ZDHHC14: variants seen among roughly 807,000 people sequenced by gnomAD.
ZDHHC14 encodes the protein zDHHC palmitoyltransferase 14.
In ZDHHC14, 16 loss-of-function variants were observed where a neutral mutation model predicts 47.7. That is an observed-to-expected ratio of 0.34 (90% confidence interval 0.23 to 0.51). The LOEUF (loss-of-function observed/expected upper bound fraction) is 0.51. Among genes scored for constraint, ZDHHC14 ranks in the 20% least tolerant of loss-of-function variants. The pLI is 0.97. For synonymous variants in ZDHHC14, 293 were observed against 278.9 expected, an observed-to-expected ratio of 1.05 and a Z score of -0.50; for missense variants, 515 against 662.5, an observed-to-expected ratio of 0.78 and a Z score of 2.44.
At chr6:157,414,821 C>CTTT (rs71027333) in intron 1 of ZDHHC14, among the ~76,000 whole-genome samples, 1,776 of 111,874 alleles carry the variant, frequency 0.016, 41 homozygotes, top group African/African-American at 0.055. Flanking sequence ...AGGTTTGCAG[C>CTTT]TTTTTTTTTT....
intron 1 of ZDHHC14, among the ~76,000 whole-genome samples, chr6:157,426,664 G>A (rs1054440884): frequency 6.6e-6 from 1 of 152,144 alleles, no homozygotes; most frequent in South Asian, 2.1e-4. Flanking sequence ...TGGAAGAGCC[G>A]ATCAGAAGGG....
chr6:157,609,641 C>G (rs933344024), intron 3 of ZDHHC14, among the ~76,000 whole-genome samples: 2 of 152,214 alleles, frequency 1.3e-5, no homozygotes, highest in Non-Finnish European at 2.9e-5. Context: ...TTCCATTCTG[C>G]TCTGAGCAGT....
chr6:157,536,073 A>C (rs1490276754), intron 1 of ZDHHC14, among the ~76,000 whole-genome samples: 2 of 152,186 alleles, frequency 1.3e-5, no homozygotes. Flanking sequence ...AGGTTATTTC[A>C]TTTATGATTG....
At chr6:157,458,849 ATTTTTT>A (rs750975822) in intron 1 of ZDHHC14, among the ~76,000 whole-genome samples, 1,975 of 81,276 alleles carry the variant, frequency 0.024, 93 homozygotes, top group Admixed American at 0.032. Flanking sequence ...ATGTGGGTGG[ATTTTTT>A]TTTTTTTTTT....
chr6:157,415,433 A>T (rs1478880341), intron 1 of ZDHHC14, among the ~76,000 whole-genome samples: 1 of 152,214 alleles, frequency 6.6e-6, no homozygotes. Flanking sequence ...CTTATTGAGG[A>T]AAGAATAGAA....
intron 3 of ZDHHC14, among the ~76,000 whole-genome samples, chr6:157,620,271 G>A (rs913648320): frequency 1.3e-5 from 2 of 152,180 alleles, no homozygotes; most frequent in African/African-American, 4.8e-5. Flanking sequence ...TGGCGAGGGG[G>A]CTGGGCATGC....
At chr6:157,488,315 G>A (rs553539351) in intron 1 of ZDHHC14, among the ~76,000 whole-genome samples, 1 of 152,282 alleles carries the variant, frequency 6.6e-6, no homozygotes, top group African/African-American at 2.4e-5. Context: ...GGGAGCCCAC[G>A]GAGCCGGGTT....
At chr6:157,563,712 G>C (rs1189803484) in intron 2 of ZDHHC14, among the ~76,000 whole-genome samples, 1 of 152,244 alleles carries the variant, frequency 6.6e-6, no homozygotes, top group Non-Finnish European at 1.5e-5. Context: ...AGAGGCACAA[G>C]TCACGGATTG....
At chr6:157,481,408 G>A (rs1435346440) in intron 1 of ZDHHC14, among the ~76,000 whole-genome samples, 1 of 147,572 alleles carries the variant, frequency 6.8e-6, no homozygotes, top group African/African-American at 2.4e-5. Context: ...TGTACAGTGA[G>A]GTGATGCGAC....
At chr6:157,517,397 G>A (rs867664333) in intron 1 of ZDHHC14, among the ~76,000 whole-genome samples, 10 of 150,812 alleles carry the variant, frequency 6.6e-5, no homozygotes, top group South Asian at 4.2e-4. Flanking sequence ...TATAACCTCC[G>A]CCTCCCGGGT....
rs1243412876 is a variant in ZDHHC14 at position 157,382,129 on chromosome 6, C to G, written c.108C>G (p.Ala36=). ...CCCACAAGAAGAAGAAAATCGCGGCCCGGAGGAAATGGGAGGTGTTCCCGG... is the reference window on the plus strand; with the variant it reads ...CCCACAAGAAGAAGAAAATCGCGGCGCGGAGGAAATGGGAGGTGTTCCCGG... ...ESPHKKKKIA[A]RRKWEVFPGR... is the part of the protein sequence containing the mutation. The change falls in exon 1 of 9, where the codon GCC becomes GCG. Residue 36 remains alanine, a synonymous_variant. Coordinates refer to ENST00000359775, the MANE Select transcript of ZDHHC14 (RefSeq NM_024630.3). 3 of 1,613,660 alleles carry G rather than the reference C, an allele frequency of 1.9e-6. No individual in the cohort carries two copies. Among genetic ancestry groups the G allele is most frequent in the Admixed American group, 3.3e-5 (2 of 59,994 alleles).
chr6:157,665,722 T>C (rs872509), intron 8 of ZDHHC14, among the ~76,000 whole-genome samples: 2,960 of 152,332 alleles, frequency 0.019, 48 homozygotes, highest in Non-Finnish European at 0.03. Context: ...AGGTCTTATT[T>C]ATTATCTCAA....
chr6:157,672,062 C>G (rs1002671096), intron 8 of ZDHHC14, among the ~76,000 whole-genome samples: 1 of 152,182 alleles, frequency 6.6e-6, no homozygotes, highest in Non-Finnish European at 1.5e-5. Context: ...CATGACCCTC[C>G]AGGGACCTTG....
At chr6:157,507,989 G>C (rs569860191) in intron 1 of ZDHHC14, among the ~76,000 whole-genome samples, 4 of 152,280 alleles carry the variant, frequency 2.6e-5, no homozygotes, top group Admixed American at 6.5e-5. Context: ...AATATGAATG[G>C]AAAATCATCC....
At position 157,582,245 on chromosome 6, in the gene ZDHHC14, G is replaced by T. The variant is rs1380292716; in HGVS notation, c.407-10743G>T. 6.6e-6 allele frequency among the ~76,000 whole-genome samples: 1 copy of T among 152,182 alleles called. No individual in the cohort carries two copies. ...CATTTCCTATTTACATTCAAAGTTA[G>T]TATTGATATGTGCGGATTTGATCTT... On this transcript the variant is annotated intron_variant, in intron 2 of 8. Transcript: ENST00000359775. The surrounding 1 kb of genome is among the most constrained non-coding windows in gnomAD (Gnocchi z 4.3).
At chr6:157,487,218 G>C (rs1015486212) in intron 1 of ZDHHC14, among the ~76,000 whole-genome samples, 1 of 152,176 alleles carries the variant, frequency 6.6e-6, no homozygotes, top group Non-Finnish European at 1.5e-5. Context: ...GGAGGACATG[G>C]GGCTGATCTC....
rs533519509 is a variant in ZDHHC14, at chr6:157,502,750, G to C, written c.246-39835G>C. Among the ~76,000 whole-genome samples, 2 of 152,290 alleles carry C rather than the reference G, an allele frequency of 1.3e-5. No homozygotes were observed. The highest frequency in any genetic ancestry group is 1.3e-4 in the Admixed American group (2 of 15,304). On this transcript the variant is annotated intron_variant, in intron 1 of 8. Transcript: ENST00000359775. This position sits in a 1 kb window ranked among gnomAD's most constrained non-coding sequence, Gnocchi z 4.0. ...CTGTCACCCAGGCTGGAGTGCAGTG[G>C]CATGATCTTGGCTCACTGCAACCTC...
chr6:157,554,527 C>T (rs1782376656), intron 2 of ZDHHC14, among the ~76,000 whole-genome samples: 1 of 152,156 alleles, frequency 6.6e-6, no homozygotes, highest in South Asian at 2.1e-4. Flanking sequence ...TCTTTTGTCA[C>T]ACAGTACATT....
intron 1 of ZDHHC14, among the ~76,000 whole-genome samples, chr6:157,519,840 C>T (rs563192819): frequency 5.9e-5 from 9 of 152,314 alleles, no homozygotes; most frequent in African/African-American, 2.2e-4. Context: ...AAAATGCTAA[C>T]AGACCCGTCC....
Sources: allele counts gnomAD v4.1 joint callset (sites outside exome capture counted in the v4.1 genomes callset), GRCh38; gene constraint gnomAD v4.1.1; non-coding constraint Gnocchi (gnomAD v3.1); transcripts MANE v1.5; gene names NCBI Gene and HGNC (gene_info 2026-07-23, HGNC 2026-07-21).